C5orf58: variants seen among roughly 807,000 people sequenced by gnomAD.
The protein encoded by C5orf58 is chromosome 5 open reading frame 58.
Under a neutral mutation model 2.9 loss-of-function variants are expected in C5orf58, and 2 were observed. The ratio of observed to expected loss-of-function variants is 0.69; its 90% CI spans 0.28 to 2.18. The LOEUF (loss-of-function observed/expected upper bound fraction) is 2.18. C5orf58 is among the 30% of genes most tolerant of loss of function. The probability of loss-of-function intolerance (pLI) is 0.13; values close to 1 mark genes in which losing one functional copy is unlikely to be tolerated. For synonymous variants in C5orf58, 37 were observed against 33.4 expected, an observed-to-expected ratio of 1.11 and a Z score of -0.37; for missense variants, 96 against 91.7, an observed-to-expected ratio of 1.05 and a Z score of -0.19.
chr5:170,237,635 A>T (rs768857655), intron 3 of C5orf58, among the ~76,000 whole-genome samples: 17 of 152,196 alleles, frequency 1.1e-4, no homozygotes, highest in Non-Finnish European at 2.2e-4. Context: ...GACTCAATTC[A>T]TGGTGGCACC....
chr5:170,249,141 G>A (rs1278465471), downstream of C5orf58, among the ~76,000 whole-genome samples: 4 of 152,082 alleles, frequency 2.6e-5, no homozygotes, highest in Non-Finnish European at 4.4e-5. Context: ...GACCAACATG[G>A]TGAAACCCTG....
At chr5:170,245,223 T>G (rs1455714605) in intron 3 of C5orf58, among the ~76,000 whole-genome samples, 1 of 152,168 alleles carries the variant, frequency 6.6e-6, no homozygotes, top group African/African-American at 2.4e-5. Context: ...CTGCTGTCTT[T>G]TTGTTTGTCT....
intron 3 of C5orf58, among the ~76,000 whole-genome samples, chr5:170,236,291 A>G (rs1317880981): frequency 2.6e-5 from 4 of 152,126 alleles, no homozygotes; most frequent in Non-Finnish European, 4.4e-5. Flanking sequence ...TGTTCTCCCT[A>G]GGACAGCATT....
At chr5:170,248,776 A>G, downstream of C5orf58, 1 of 1,612,336 alleles carries the variant, frequency 6.2e-7, no homozygotes, top group Non-Finnish European at 8.5e-7. Flanking sequence ...CAGAAGTGGC[A>G]TTTTCCTGAA....
chr5:170,235,328 C>T (rs1478878523), intron 3 of C5orf58, among the ~76,000 whole-genome samples: 2 of 152,136 alleles, frequency 1.3e-5, no homozygotes, highest in East Asian at 3.8e-4. Flanking sequence ...ATTTTACTTC[C>T]CTTCCTTCCC....
At position 170,246,053 on chromosome 5, in the gene C5orf58, CCT is replaced by C. The variant is rs755728102; in HGVS notation, c.189_190del (p.Phe64Ter). ...TAGCAGAAGCAGAAAGAAACAACCC[CCT>C]CTTTGAAGAGTCTAAAATATCAGAT... ...NLAEAERNNP[L>X]FEESKISDVS... On this transcript the variant is annotated frameshift_variant, in exon 4 of 4. Transcript: ENST00000593851. LOFTEE classifies it high-confidence loss of function. The C allele has an allele frequency of 1.9e-6, 3 of 1,613,486 alleles. No individual in the cohort carries two copies. Among genetic ancestry groups the C allele is most frequent in the South Asian group, 2.2e-5 (2 of 91,076 alleles).
chr5:170,243,775 T>G (rs1177965618), intron 3 of C5orf58, among the ~76,000 whole-genome samples: 2 of 151,414 alleles, frequency 1.3e-5, no homozygotes, highest in African/African-American at 4.9e-5. Flanking sequence ...TTAGTCCATT[T>G]ACATTTAAAG....
chr5:170,251,781 T>C (rs1297134621), exon 3 of C5orf58: 1 of 384,254 alleles, frequency 2.6e-6, no homozygotes, highest in African/African-American at 2.1e-5. Flanking sequence ...CCCAGAATAA[T>C]TAGAATCTCA....
intron 1 of C5orf58, chr5:170,233,908 ACTTT>A (rs1342249067): frequency 1.1e-5 from 4 of 361,688 alleles, no homozygotes; most frequent in South Asian, 8.6e-5. Context: ...TTTAGTTTCT[ACTTT>A]ACTATTTTTA....
At chr5:170,236,883 C>T (rs140288452) in intron 3 of C5orf58, among the ~76,000 whole-genome samples, 105 of 152,262 alleles carry the variant, frequency 6.9e-4, no homozygotes, top group Middle Eastern at 3.4e-3. Context: ...TTTATAATTG[C>T]ATATTTCCTT....
downstream of C5orf58, chr5:170,252,397 A>G (rs1423646333): frequency 2.5e-6 from 3 of 1,195,060 alleles, no homozygotes; most frequent in African/African-American, 1.5e-5. Context: ...TGCCATTAAT[A>G]TTTACAACTA....
At chr5:170,238,620 G>A (rs1182517891) in intron 3 of C5orf58, among the ~76,000 whole-genome samples, 1 of 152,134 alleles carries the variant, frequency 6.6e-6, no homozygotes, top group African/African-American at 2.4e-5. Context: ...CATGAAAATA[G>A]GCTCATACCA....
At chr5:170,245,744 A>G (rs1252286573) in intron 3 of C5orf58, among the ~76,000 whole-genome samples, 2 of 152,148 alleles carry the variant, frequency 1.3e-5, no homozygotes, top group African/African-American at 2.4e-5. Flanking sequence ...TGCGTCGCTC[A>G]CGCTGGGAGC....
chr5:170,244,337 T>C (rs578178703), intron 3 of C5orf58, among the ~76,000 whole-genome samples: 133 of 151,266 alleles, frequency 8.8e-4, no homozygotes, highest in Non-Finnish European at 1.6e-3. Flanking sequence ...CCTTGCTAGA[T>C]TGGGGAAGTT....
chr5:170,250,999 C>A, downstream of C5orf58: 3 of 769,306 alleles, frequency 3.9e-6, no homozygotes, highest in East Asian at 2.6e-5. Flanking sequence ...TTGCACTTTG[C>A]AGCTTCTTGA....
intron 2 of C5orf58, among the ~76,000 whole-genome samples, chr5:170,234,440 T>G (rs1237389200): frequency 6.6e-6 from 1 of 152,246 alleles, no homozygotes; most frequent in Non-Finnish European, 1.5e-5. Context: ...TTAACCAAAA[T>G]TAAAATGTCT....
At chr5:170,237,795 A>G (rs2113095354) in intron 3 of C5orf58, among the ~76,000 whole-genome samples, 1 of 152,340 alleles carries the variant, frequency 6.6e-6, no homozygotes, top group South Asian at 2.1e-4. Context: ...TAAAACAAGG[A>G]TATTTGCCCT....
intron 3 of C5orf58, among the ~76,000 whole-genome samples, chr5:170,242,907 G>A (rs1196280705): frequency 3.5e-5 from 5 of 143,176 alleles, no homozygotes; most frequent in East Asian, 2.1e-4. Flanking sequence ...TTTCTCTTGT[G>A]GGCATTTAGT....
Position 170,234,167 on chromosome 5 carries a change from A to G in C5orf58, c.-32A>G. 1 of 1,367,676 alleles carries G rather than the reference A, an allele frequency of 7.3e-7. No individual in the cohort carries two copies. Among genetic ancestry groups the G allele is most frequent in the Non-Finnish European group, 9.8e-7 (1 of 1,021,794 alleles). The allele number at this position is 1,367,676 out of a possible 1,614,324, so 84.7% of individuals were successfully genotyped here. On this transcript the variant is annotated 5_prime_UTR_variant, in exon 2 of 4. Transcript: ENST00000593851. The stretch of plus-strand genomic sequence containing the variant: ...GAAATTGCAGAAATTCTCCCTGCTC[A>G]GGAAAAGGTAGAGGCAAGGATTGAC...
Sources: gnomAD v4.1 joint callset for allele counts (sites outside exome capture counted in the v4.1 genomes callset) on GRCh38, gnomAD v4.1.1 for gene constraint, MANE v1.5 for transcripts, NCBI Gene and HGNC (gene_info 2026-07-23, HGNC 2026-07-21) for gene names.